Variants in POLR2G observed in about 807,000 individuals in gnomAD.
POLR2G encodes RNA polymerase II subunit G, also known as DNA-directed RNA polymerase II subunit RPB7.
POLR2G carries 19 observed loss-of-function variants against 25.7 expected under a neutral mutation model. The ratio of observed to expected loss-of-function variants is 0.74; its 90% CI spans 0.52 to 1.08. POLR2G has a LOEUF of 1.08. POLR2G is among the 50% of genes least tolerant of loss of function. The pLI, the probability that POLR2G is intolerant of heterozygous loss-of-function variation, is 0.00. For missense variants in POLR2G, 123 were observed against 218.5 expected, an observed-to-expected ratio of 0.56 and a Z score of 2.76; for synonymous variants, 79 against 76.0, an observed-to-expected ratio of 1.04 and a Z score of -0.21.
intron 2 of POLR2G, chr11:62,762,463 G>A (rs2084093515): frequency 2.6e-6 from 1 of 381,660 alleles, no homozygotes; most frequent in Non-Finnish European, 5.5e-6. Flanking sequence ...CCAGCTCAGG[G>A]CAGTGGAGTA....
chr11:62,762,279 G>A, intron 2 of POLR2G: 1 of 274,076 alleles, frequency 3.6e-6, no homozygotes, highest in Non-Finnish European at 7.4e-6. Context: ...CATTCTGCTG[G>A]TTTTCTCTTA....
intron 1 of POLR2G, 23 bp from the exon 2 acceptor site, chr11:62,761,753 TGCCAGCGCCTGGCCTGGTC>T: frequency 1.1e-5 from 18 of 1,606,644 alleles, no homozygotes; most frequent in Non-Finnish European, 1.4e-5. Flanking sequence ...TCCAATAACC[TGCCAGCGCCTGGCCTGGTC>T]GCCATCCCAC....
intron 6 of POLR2G, 84 bp downstream of exon 6, chr11:62,765,808 G>C: frequency 1.3e-6 from 1 of 791,500 alleles, no homozygotes; most frequent in Non-Finnish European, 2.1e-6. Context: ...TTTTTTTTGA[G>C]ACGGAGTCTT....
At chr11:62,765,750 C>G in intron 6 of POLR2G, 26 bp downstream of exon 6, 1 of 1,379,044 alleles carries the variant, frequency 7.3e-7, no homozygotes, top group South Asian at 1.2e-5. Flanking sequence ...ACCTCTCTAC[C>G]TATACCAGGT....
intron 3 of POLR2G, among the ~76,000 whole-genome samples, chr11:62,763,333 C>CTTAATGAT (rs2084098582): frequency 7.6e-6 from 1 of 131,772 alleles, no homozygotes; most frequent in Non-Finnish European, 1.7e-5. Flanking sequence ...CTCGCTTTGT[C>CTTAATGAT]ACCCAGGCTG....
chr11:62,765,114 C>A (rs2084108723), intron 3 of POLR2G, 68 bp from the exon 4 acceptor site: 2 of 1,423,604 alleles, frequency 1.4e-6, no homozygotes, highest in Non-Finnish European at 2.0e-6. Flanking sequence ...GCCTCGGCCT[C>A]CCAAAGTGCT....
Position 62,762,936 on chromosome 11 carries a change from C to A in POLR2G, c.192C>A (p.Gly64=), listed in dbSNP as rs764612552. The change falls in exon 3 of 8, where the codon GGC becomes GGA. Residue 64 remains glycine, a synonymous_variant. Coordinates refer to ENST00000301788, the MANE Select transcript of POLR2G (RefSeq NM_002696.3). The part of the protein sequence containing the change: ...IGAGVIQPGR[G]FVLYPVKYKA... ...CTGGTGTGATCCAGCCAGGCCGAGG[C>A]TTTGTCCTTTATCCAGTTAAGTACA... 3 of 1,612,430 alleles carry A rather than the reference C, an allele frequency of 1.9e-6. No individual in the cohort carries two copies. Among genetic ancestry groups the A allele is most frequent in the Non-Finnish European group, 2.5e-6 (3 of 1,178,646 alleles).
Position 62,761,651 on chromosome 11 carries a change from GT to G in POLR2G, c.5del (p.Phe2SerfsTer6). 1 of 1,612,008 alleles carries G rather than the reference GT, an allele frequency of 6.2e-7. No homozygotes were observed. Among genetic ancestry groups the G allele is most frequent in the Non-Finnish European group, 8.5e-7 (1 of 1,178,688 alleles). On this transcript the variant is annotated frameshift_variant, in exon 1 of 8. Coordinates refer to ENST00000301788, the MANE Select transcript of POLR2G (RefSeq NM_002696.3). LOFTEE classifies it high-confidence loss of function. M[F>X]YHISLEHEIL... ...GCCTGCCTACCTGGTCTGGGAAGATGTTCTACCATGTGAGCAGGGCTCAGGG... is the reference window on the plus strand; with the variant it reads ...GCCTGCCTACCTGGTCTGGGAAGATGTCTACCATGTGAGCAGGGCTCAGGG...
In POLR2G at chr11:62,761,817, TGCTGCACCC is replaced by T. The variant is rs2084090431; in HGVS notation, c.38_46del (p.Leu13_Pro15del). ...CAGATCTCCCTAGAGCACGAAATCC[TGCTGCACCC>T]GCGCTACTTCGGCCCCAACTTGCTC... On this transcript the variant is annotated inframe_deletion, in exon 2 of 8. Transcript: ENST00000301788. 6.2e-7 allele frequency: 1 copy of T among 1,613,954 alleles called. No individual in the cohort carries two copies. Among genetic ancestry groups the T allele is most frequent in the African/African-American group, 1.3e-5 (1 of 74,950 alleles).
Position 62,761,920 on chromosome 11 carries a change from A to G in POLR2G, c.122+16A>G, listed in dbSNP as rs1453688658. On this transcript the variant is annotated intron_variant, in intron 2 of 7. Transcript: ENST00000301788. ...GCACAGGGAAGTGAGTGTCGAGCTC[A>G]CCGCACCGCCAGATCGTTCGATGCG... is the stretch of plus-strand genomic sequence containing the variant. 6.4e-7 allele frequency: 1 copy of G among 1,551,474 alleles called. No homozygotes were observed. The highest frequency in any genetic ancestry group is 2.2e-5 in the East Asian group (1 of 44,504).
intron 2 of POLR2G, chr11:62,762,221 G>T (rs1245764333): frequency 2.8e-6 from 1 of 356,618 alleles, no homozygotes; most frequent in Admixed American, 4.0e-5. Context: ...GACAGCCCCT[G>T]TGGAGCTCAC....
intron 6 of POLR2G, 36 bp from the exon 7 acceptor site, chr11:62,766,207 C>T: frequency 6.2e-7 from 1 of 1,607,324 alleles, no homozygotes; most frequent in Non-Finnish European, 8.5e-7. Context: ...CTGTGCTCAT[C>T]TTGGCTTCAC....
At position 62,766,106 on chromosome 11, in the gene POLR2G, C is replaced by A. The variant is rs540359902; in HGVS notation, c.472-137C>A. 3 of 810,438 alleles carry A rather than the reference C, an allele frequency of 3.7e-6. No individual in the cohort carries two copies. The South Asian group carries it at 4.2e-5, about 11-fold the overall frequency. 50.2% of individuals were successfully genotyped at this position (810,438 alleles called of 1,614,324 possible). A position where few individuals can be genotyped will look rare whatever the true frequency, so the allele number is the denominator to read the frequency against. On this transcript the variant is annotated intron_variant, in intron 6 of 7. Coordinates refer to ENST00000301788, the MANE Select transcript of POLR2G (RefSeq NM_002696.3). ...CTGGCCGAGAGCTGTCGATTTCTTA[C>A]CACCCACAGTTTCAGGGGGTTCTGT... is the stretch of plus-strand genomic sequence containing the variant.
intron 3 of POLR2G, among the ~76,000 whole-genome samples, chr11:62,764,818 A>G (rs1174648127): frequency 6.6e-6 from 1 of 152,126 alleles, no homozygotes; most frequent in Non-Finnish European, 1.5e-5. Context: ...GCAAAAAACA[A>G]AAACACAACA....
Position 62,762,990 on chromosome 11 carries a change from G to A in POLR2G, c.246G>A (p.Gly82=). The A allele has an allele frequency of 6.2e-7, 1 of 1,610,110 alleles. No individual in the cohort carries two copies. ...YKAIVFRPFK[G]EVVDAVVTQV... ...CCATTGTTTTCCGGCCATTTAAAGG[G>A]GAGGTCGTGGATGCTGTTGTCACTC... Residue 82 remains glycine, a synonymous_variant, in exon 3 of 8, where the codon GGG becomes GGA. Transcript: ENST00000301788.
At chr11:62,764,194 CTCACATCTGTA>C (rs2084103472) in intron 3 of POLR2G, among the ~76,000 whole-genome samples, 1 of 152,112 alleles carries the variant, frequency 6.6e-6, no homozygotes, top group Non-Finnish European at 1.5e-5. Flanking sequence ...GGCGCGGTGA[CTCACATCTGTA>C]ATCCCAGCAC....
intron 3 of POLR2G, among the ~76,000 whole-genome samples, chr11:62,764,533 A>T (rs1565182970): frequency 6.6e-6 from 1 of 152,100 alleles, no homozygotes; most frequent in Non-Finnish European, 1.5e-5. Flanking sequence ...GCTGGCTCAC[A>T]CCTATAATCC....
At chr11:62,761,705 G>C in intron 1 of POLR2G, 45 bp downstream of exon 1, 1 of 1,610,528 alleles carries the variant, frequency 6.2e-7, no homozygotes, top group Non-Finnish European at 8.5e-7. Flanking sequence ...TGGAAAGGAA[G>C]AGCAAGGCCA....
intron 6 of POLR2G, among the ~76,000 whole-genome samples, 181 bp from the exon 7 acceptor site, chr11:62,766,062 C>T (rs1362137024): frequency 1.3e-5 from 2 of 152,094 alleles, no homozygotes; most frequent in African/African-American, 2.4e-5. Context: ...GCTGGGATTA[C>T]AGGTGTGAGC....
Sources: gnomAD v4.1 joint callset for allele counts (sites outside exome capture counted in the v4.1 genomes callset) on GRCh38, gnomAD v4.1.1 for gene constraint, MANE v1.5 for transcripts, NCBI Gene and HGNC (gene_info 2026-07-23, HGNC 2026-07-21) for gene names.